The following CCDC149 variants were observed in gnomAD, a reference collection of about 807,000 sequenced individuals.
CCDC149 encodes the protein coiled-coil domain-containing protein 149.
Under a neutral mutation model 59.9 loss-of-function variants are expected in CCDC149, and 45 were observed. The ratio of observed to expected loss-of-function variants is 0.75; its 90% CI spans 0.59 to 0.96. CCDC149 has a LOEUF of 0.96. CCDC149 is among the 40% of genes least tolerant of loss of function. The pLI, the probability that CCDC149 is intolerant of heterozygous loss-of-function variation, is 0.00. For missense variants in CCDC149, 584 were observed against 664.7 expected (o/e 0.88, Z 1.33); for synonymous variants, 245 against 260.6 (o/e 0.94, Z 0.58).
chr4:24,823,907 T>C (rs1038263402), intron 9 of CCDC149, among the ~76,000 whole-genome samples: 1 of 152,238 alleles, frequency 6.6e-6, no homozygotes, highest in Non-Finnish European at 1.5e-5. Context: ...TTTGCTTTCA[T>C]GTCCCTGACC....
chr4:24,858,661 A>G (rs762860289), intron 3 of CCDC149, among the ~76,000 whole-genome samples: 4 of 152,208 alleles, frequency 2.6e-5, no homozygotes, highest in Non-Finnish European at 5.9e-5. Context: ...GGAACAACTC[A>G]ATCCCCAATT....
intron 8 of CCDC149, among the ~76,000 whole-genome samples, chr4:24,833,797 G>A (rs1716323550): frequency 6.6e-6 from 1 of 152,122 alleles, no homozygotes; most frequent in Non-Finnish European, 1.5e-5. Context: ...TTTTTTGTTG[G>A]TTCAAAGGGG....
intron 4 of CCDC149, among the ~76,000 whole-genome samples, chr4:24,839,688 T>C (rs1249248164): frequency 6.6e-6 from 1 of 152,136 alleles, no homozygotes; most frequent in African/African-American, 2.4e-5. Context: ...ATGGAAACTG[T>C]GTGAGAGGCC....
In CCDC149 at chr4:24,893,416, A is replaced by G. The variant is rs376710146; in HGVS notation, c.64-16719T>C. On this transcript the variant is annotated intron_variant, in intron 1 of 12. Transcript: ENST00000635206. Reference sequence around the variant, plus strand: ...CTAAATAAAATACCAACATACCCAAATATGTGGTATGAGGAAATTGGACAC... The same window carrying G: ...CTAAATAAAATACCAACATACCCAAGTATGTGGTATGAGGAAATTGGACAC... Among the ~76,000 whole-genome samples, 5 of 152,238 alleles carry G rather than the reference A, an allele frequency of 3.3e-5. No individual in the cohort carries two copies. In the East Asian group the frequency reaches 9.6e-4, roughly 29 times the overall value.
intron 4 of CCDC149, among the ~76,000 whole-genome samples, chr4:24,851,025 C>A (rs994104023): frequency 6.6e-6 from 1 of 151,652 alleles, no homozygotes; most frequent in African/African-American, 2.4e-5. Flanking sequence ...AACAATAGAA[C>A]ATCTTCCCCT....
downstream of CCDC149, among the ~76,000 whole-genome samples, chr4:24,805,630 A>T (rs1278933980): frequency 1.3e-5 from 2 of 152,182 alleles, no homozygotes; most frequent in Non-Finnish European, 2.9e-5. Flanking sequence ...TCATGGTAAT[A>T]CCATCTCCCT....
chr4:24,874,024 A>T (rs1027526812), intron 2 of CCDC149, among the ~76,000 whole-genome samples: 1 of 152,212 alleles, frequency 6.6e-6, no homozygotes, highest in African/African-American at 2.4e-5. Context: ...CCTAAACTGA[A>T]ATAATATTTC....
chr4:24,942,935 G>T (rs2109349565), intron 1 of CCDC149, among the ~76,000 whole-genome samples: 1 of 151,756 alleles, frequency 6.6e-6, no homozygotes, highest in Non-Finnish European at 1.5e-5. Flanking sequence ...ATGCTCATGG[G>T]TAGGAAGAAT....
intron 3 of CCDC149, among the ~76,000 whole-genome samples, chr4:24,873,054 G>A (rs1159436638): frequency 6.6e-6 from 1 of 150,424 alleles, no homozygotes; most frequent in Non-Finnish European, 1.5e-5. Flanking sequence ...CCACCAAATG[G>A]TGTGCACCCA....
At chr4:24,848,092 A>G (rs974002584) in intron 4 of CCDC149, among the ~76,000 whole-genome samples, 1 of 151,870 alleles carries the variant, frequency 6.6e-6, no homozygotes, top group African/African-American at 2.4e-5. Context: ...CATTCTGAGT[A>G]GCATGATGAA....
intron 4 of CCDC149, among the ~76,000 whole-genome samples, chr4:24,839,325 G>A (rs1432930783): frequency 2.0e-5 from 3 of 151,618 alleles, no homozygotes; most frequent in Non-Finnish European, 2.9e-5. Flanking sequence ...GACTACAGGC[G>A]CCCACCACCA....
At chr4:24,876,495 G>A in intron 2 of CCDC149, 41 bp downstream of exon 2, 2 of 1,552,838 alleles carry the variant, frequency 1.3e-6, no homozygotes, top group South Asian at 1.2e-5. Flanking sequence ...TCTTAATTCA[G>A]GGAACAGGAA....
intron 1 of CCDC149, among the ~76,000 whole-genome samples, chr4:24,978,573 A>C (rs1724321428): frequency 6.6e-6 from 1 of 152,188 alleles, no homozygotes; most frequent in African/African-American, 2.4e-5. Flanking sequence ...GAAAAACCTC[A>C]GATGAAGAGA....
intron 9 of CCDC149, chr4:24,827,993 ACAAGGCTAAAT>A (rs1360276987): frequency 2.0e-5 from 3 of 152,232 alleles, no homozygotes; most frequent in Admixed American, 2.0e-4. Context: ...TTTCAGTTAC[ACAAGGCTAAAT>A]CAAGGGGGAG....
At chr4:24,804,001 T>A (rs748325574), downstream of CCDC149, among the ~76,000 whole-genome samples, 11 of 152,172 alleles carry the variant, frequency 7.2e-5, no homozygotes, top group East Asian at 1.9e-4. Flanking sequence ...ATCTCTCTGA[T>A]CTACAAATTT....
At chr4:24,932,020 A>C (rs1466791144) in intron 1 of CCDC149, among the ~76,000 whole-genome samples, 1 of 151,970 alleles carries the variant, frequency 6.6e-6, no homozygotes, top group East Asian at 1.9e-4. Context: ...AAAGGCTTAC[A>C]GGTGAGAAAA....
chr4:24,844,396 T>G (rs972634213), intron 4 of CCDC149, among the ~76,000 whole-genome samples: 7 of 152,046 alleles, frequency 4.6e-5, no homozygotes, highest in Non-Finnish European at 1.0e-4. Context: ...CCCTGAGAGG[T>G]TGGCACATGG....
intron 1 of CCDC149, among the ~76,000 whole-genome samples, chr4:24,898,425 G>A (rs185515491): frequency 7.4e-4 from 113 of 152,230 alleles, no homozygotes; most frequent in Middle Eastern, 6.8e-3. Context: ...AACTTGAGCC[G>A]GGAAGCTGGC....
chr4:24,849,235 C>T (rs1202362222), intron 4 of CCDC149, among the ~76,000 whole-genome samples: 1 of 152,180 alleles, frequency 6.6e-6, no homozygotes, highest in African/African-American at 2.4e-5. Flanking sequence ...TAGACTGACA[C>T]TCTGAGAGCC....
Sources: allele counts gnomAD v4.1 joint callset (sites outside exome capture counted in the v4.1 genomes callset), GRCh38; gene constraint gnomAD v4.1.1; transcripts MANE v1.5; gene names NCBI Gene and HGNC (gene_info 2026-07-23, HGNC 2026-07-21).